SPAG16: variants seen among roughly 807,000 people sequenced by gnomAD.
SPAG16 encodes sperm-associated antigen 16 protein.
In SPAG16, 86 loss-of-function variants were observed where a neutral mutation model predicts 80.4. That is an observed-to-expected ratio of 1.07 (90% CI 0.90 to 1.28). The LOEUF (loss-of-function observed/expected upper bound fraction) is 1.28. SPAG16 is among the 50% of genes most tolerant of loss of function. SPAG16 has a pLI of 0.00. For synonymous variants in SPAG16, 294 were observed against 265.9 expected (o/e 1.11, Z -1.03); for missense variants, 870 against 765.3 (o/e 1.14, Z -1.61).
chr2:213,492,399 A>G (rs560848025), intron 10 of SPAG16, among the ~76,000 whole-genome samples: 1 of 151,908 alleles, frequency 6.6e-6, no homozygotes, highest in East Asian at 1.9e-4. Flanking sequence ...AAATACAAAA[A>G]ATTAGCTGGG....
At chr2:213,492,525 A>G (rs7601322) in intron 10 of SPAG16, among the ~76,000 whole-genome samples, 7,844 of 152,006 alleles carry the variant, frequency 0.052, 263 homozygotes, top group Non-Finnish European at 0.07. Context: ...CCTCCAGCCT[A>G]GGCGACAGAG....
At chr2:214,072,299 A>G (rs1469919128) in intron 13 of SPAG16, among the ~76,000 whole-genome samples, 1 of 152,176 alleles carries the variant, frequency 6.6e-6, no homozygotes, top group Non-Finnish European at 1.5e-5. Flanking sequence ...AATTAAGGAT[A>G]TGAAGAAAGC....
intron 10 of SPAG16, among the ~76,000 whole-genome samples, chr2:213,802,211 C>T (rs1182185617): frequency 1.3e-5 from 2 of 152,072 alleles, no homozygotes; most frequent in Non-Finnish European, 2.9e-5. Context: ...TTGCCATGTC[C>T]CTCTCTGATT....
chr2:214,385,906 C>T (rs1700722370), intron 15 of SPAG16, among the ~76,000 whole-genome samples: 1 of 152,170 alleles, frequency 6.6e-6, no homozygotes, highest in Admixed American at 6.5e-5. Flanking sequence ...TGGCTGACAA[C>T]AAGCACAGAT....
At chr2:213,402,799 C>G (rs1324564182) in intron 9 of SPAG16, among the ~76,000 whole-genome samples, 1 of 152,028 alleles carries the variant, frequency 6.6e-6, no homozygotes, top group African/African-American at 2.4e-5. Context: ...GTGTATATGT[C>G]CCACATTTTC....
chr2:213,448,829 A>G (rs1369482193), intron 9 of SPAG16, among the ~76,000 whole-genome samples: 2 of 152,206 alleles, frequency 1.3e-5, no homozygotes, highest in African/African-American at 4.8e-5. Flanking sequence ...TTAACTGTAC[A>G]AATTGATTGT....
intron 9 of SPAG16, among the ~76,000 whole-genome samples, chr2:213,402,467 G>T (rs1212643100): frequency 6.6e-6 from 1 of 151,614 alleles, no homozygotes. Flanking sequence ...GGGTACATGT[G>T]CACAACGTGC....
At chr2:214,010,086 TAATAA>T (rs1380500981) in intron 12 of SPAG16, among the ~76,000 whole-genome samples, 2 of 145,346 alleles carry the variant, frequency 1.4e-5, no homozygotes, top group African/African-American at 5.4e-5. Flanking sequence ...TGTTTTTATA[TAATAA>T]AATGTCAAAA....
intron 10 of SPAG16, among the ~76,000 whole-genome samples, chr2:213,595,594 A>G (rs2060859083): frequency 6.6e-6 from 1 of 152,134 alleles, no homozygotes; most frequent in Non-Finnish European, 1.5e-5. Flanking sequence ...GTTACAAAAC[A>G]TAAATATCTT....
At chr2:214,408,939 AACTATTTAAAATACAGATAAATAGT>A (rs1349480670) in intron 15 of SPAG16, among the ~76,000 whole-genome samples, 8 of 151,918 alleles carry the variant, frequency 5.3e-5, no homozygotes, top group South Asian at 4.1e-4. Context: ...AAATAGTACT[AACTATTTAAAATACAGATAAATAGT>A]ACTATTTAAA....
At position 214,200,978 on chromosome 2, in the gene SPAG16, C is replaced by T. The variant is rs182954955; in HGVS notation, c.1720+51712C>T. On this transcript the variant is annotated intron_variant, in intron 15 of 15. Transcript: ENST00000331683. ...TAATTGTAAAGAGAGTTGCTTCTTC[C>T]GGCCAATTAACAGGTGATCCACTGG... Among the ~76,000 whole-genome samples the T allele has an allele frequency of 4.1e-4, 63 of 152,210 alleles. No homozygotes were observed. In the East Asian group the frequency reaches 9.9e-3, roughly 24 times the overall value.
At chr2:214,242,129 C>G (rs1689539495) in intron 15 of SPAG16, among the ~76,000 whole-genome samples, 2 of 152,172 alleles carry the variant, frequency 1.3e-5, no homozygotes, top group South Asian at 4.1e-4. Context: ...ATTAAGGTCA[C>G]AGGTCTAATT....
At chr2:213,422,264 C>A (rs1296527275) in intron 9 of SPAG16, 1 of 702,224 alleles carries the variant, frequency 1.4e-6, no homozygotes, top group South Asian at 1.5e-5. Context: ...CCAGACGCCA[C>A]TGAATTCTCA....
At chr2:213,387,621 A>AT (rs1303059789) in intron 9 of SPAG16, among the ~76,000 whole-genome samples, 2 of 144,402 alleles carry the variant, frequency 1.4e-5, no homozygotes, top group East Asian at 4.1e-4. Flanking sequence ...CGCCCGGCTA[A>AT]TTTTTTGTAT....
intron 15 of SPAG16, among the ~76,000 whole-genome samples, chr2:214,310,534 G>T (rs905827050): frequency 6.6e-6 from 1 of 152,140 alleles, no homozygotes; most frequent in African/African-American, 2.4e-5. Flanking sequence ...GGTGGTGCCA[G>T]AGCCAGTTTC....
intron 15 of SPAG16, among the ~76,000 whole-genome samples, chr2:214,386,041 T>C (rs934205918): frequency 6.6e-6 from 1 of 152,118 alleles, no homozygotes; most frequent in African/African-American, 2.4e-5. Context: ...TCACATATTA[T>C]CTGCCTTTTA....
chr2:213,846,588 AAAT>A (rs2074639781), intron 10 of SPAG16, among the ~76,000 whole-genome samples: 1 of 152,052 alleles, frequency 6.6e-6, no homozygotes, highest in Non-Finnish European at 1.5e-5. Flanking sequence ...ATTATAAATA[AAAT>A]AATAATGGAG....
At chr2:214,003,304 C>A (rs1262683233) in intron 12 of SPAG16, among the ~76,000 whole-genome samples, 1 of 152,152 alleles carries the variant, frequency 6.6e-6, no homozygotes, top group Non-Finnish European at 1.5e-5. Flanking sequence ...CAAATAGTGT[C>A]TATTTATTAA....
intron 10 of SPAG16, among the ~76,000 whole-genome samples, chr2:213,834,933 C>A (rs1159854216): frequency 1.3e-5 from 2 of 152,162 alleles, no homozygotes; most frequent in Non-Finnish European, 2.9e-5. Flanking sequence ...ATTAAAATAT[C>A]TTCCCAGATT....
Sources: gnomAD v4.1 joint callset for allele counts (sites outside exome capture counted in the v4.1 genomes callset) on GRCh38, gnomAD v4.1.1 for gene constraint, MANE v1.5 for transcripts, NCBI Gene and HGNC (gene_info 2026-07-23, HGNC 2026-07-21) for gene names.